Variants in UTRN observed in about 807,000 individuals in gnomAD.
UTRN encodes dystrophin-related protein 1.
A neutral mutation model predicts 463.9 loss-of-function variants in UTRN; 283 were observed. The ratio of observed to expected loss-of-function variants is 0.61; its 90% confidence interval spans 0.55 to 0.67. UTRN has a LOEUF of 0.67. Among genes scored for constraint, UTRN ranks in the 30% least tolerant of loss-of-function variants. The pLI, the probability that UTRN is intolerant of heterozygous loss-of-function variation, is 0.00. For synonymous variants in UTRN, 1,442 were observed against 1,431.5 expected, an observed-to-expected ratio of 1.01 and a Z score of -0.17; for missense variants, 3,922 against 4,084.3, an observed-to-expected ratio of 0.96 and a Z score of 1.08.
At chr6:144,617,552 G>A (rs533366989) in intron 51 of UTRN, among the ~76,000 whole-genome samples, 1 of 152,136 alleles carries the variant, frequency 6.6e-6, no homozygotes, top group African/African-American at 2.4e-5. Context: ...ATTTATGTTT[G>A]CTTTGAACAT....
intron 52 of UTRN, among the ~76,000 whole-genome samples, chr6:144,691,097 G>T (rs2128692389): frequency 6.6e-6 from 1 of 152,250 alleles, no homozygotes; most frequent in Non-Finnish European, 1.5e-5. Context: ...TTATATGCTA[G>T]ATCTACAATA....
At chr6:144,342,700 G>A (rs1382789416) in intron 2 of UTRN, among the ~76,000 whole-genome samples, 1 of 152,192 alleles carries the variant, frequency 6.6e-6, no homozygotes, top group Non-Finnish European at 1.5e-5. Context: ...GTAGATTTTA[G>A]TGGTTGCCTT....
At chr6:144,607,586 C>T (rs1804995545) in intron 51 of UTRN, among the ~76,000 whole-genome samples, 1 of 152,176 alleles carries the variant, frequency 6.6e-6, no homozygotes, top group African/African-American at 2.4e-5. Flanking sequence ...GGCTATTTGT[C>T]TGATTTTTTG....
chr6:144,312,356 G>A (rs1001377501), intron 2 of UTRN, among the ~76,000 whole-genome samples: 1 of 151,650 alleles, frequency 6.6e-6, no homozygotes, highest in Non-Finnish European at 1.5e-5. Flanking sequence ...CCCAGGAGGC[G>A]GAGCTTGCAG....
chr6:144,304,803 A>G (rs115757464), intron 2 of UTRN, among the ~76,000 whole-genome samples: 1 of 152,126 alleles, frequency 6.6e-6, no homozygotes, highest in Non-Finnish European at 1.5e-5. Context: ...CTTTAAAATT[A>G]AAAAAATTTA....
intron 50 of UTRN, among the ~76,000 whole-genome samples, chr6:144,564,483 G>A (rs1444206572): frequency 1.3e-5 from 2 of 152,156 alleles, no homozygotes; most frequent in Non-Finnish European, 2.9e-5. Flanking sequence ...TGTAAGACAT[G>A]GGGTATTAGT....
At chr6:144,583,656 C>A in intron 51 of UTRN, 1 of 517,572 alleles carries the variant, frequency 1.9e-6, no homozygotes, top group South Asian at 3.4e-5. Flanking sequence ...TACTGTTTCT[C>A]AGGCTCTAAA....
At chr6:144,301,307 G>C (rs114998828) in intron 2 of UTRN, among the ~76,000 whole-genome samples, 1,601 of 152,124 alleles carry the variant, frequency 0.011, 34 homozygotes, top group African/African-American at 0.037. Context: ...ACTTGCATAC[G>C]CTTTTTCAAG....
intron 54 of UTRN, among the ~76,000 whole-genome samples, chr6:144,734,129 G>A (rs530881360): frequency 7.9e-5 from 12 of 152,132 alleles, no homozygotes; most frequent in African/African-American, 2.9e-4. Flanking sequence ...CCCCTCCCCT[G>A]GCCGCCATCA....
chr6:144,445,372 A>C (rs1787568877), intron 14 of UTRN, among the ~76,000 whole-genome samples: 1 of 137,822 alleles, frequency 7.3e-6, no homozygotes, highest in African/African-American at 2.7e-5. Flanking sequence ...AAAAAAAAGC[A>C]AATACTCTAT....
intron 23 of UTRN, among the ~76,000 whole-genome samples, chr6:144,468,316 G>T (rs1322328215): frequency 6.6e-6 from 1 of 152,136 alleles, no homozygotes; most frequent in South Asian, 2.1e-4. Flanking sequence ...CATCTGAAAT[G>T]CTTAGAAATC....
chr6:144,638,898 C>A (rs1263981579), intron 51 of UTRN, among the ~76,000 whole-genome samples: 3 of 151,890 alleles, frequency 2.0e-5, no homozygotes, highest in Non-Finnish European at 4.4e-5. Flanking sequence ...CATAACGAGA[C>A]CCCGATCTCT....
rs1336875091 is a variant in UTRN at position 144,754,710 on chromosome 6, A to G, written c.8356-10A>G. 3 of 1,612,022 alleles carry G rather than the reference A, an allele frequency of 1.9e-6. No homozygotes were observed. Among genetic ancestry groups the G allele is most frequent in the South Asian group, 1.1e-5 (1 of 90,528 alleles). On this transcript the variant is annotated splice_polypyrimidine_tract_variant and intron_variant, in intron 56 of 74. Transcript: ENST00000367545. Reference sequence around the variant, plus strand: ...ATTATTTCCTCTGACTTGCATGTGTATGTGTGCAGGTTTCTGTGGATGATC... The same window carrying G: ...ATTATTTCCTCTGACTTGCATGTGTGTGTGTGCAGGTTTCTGTGGATGATC...
chr6:144,461,126 G>A (rs1789362603), intron 21 of UTRN, 71 bp from the exon 22 acceptor site: 2 of 1,312,896 alleles, frequency 1.5e-6, no homozygotes, highest in East Asian at 5.1e-5. Context: ...AATTCATTTA[G>A]GATAATGGTC....
intron 52 of UTRN, among the ~76,000 whole-genome samples, chr6:144,687,857 A>G (rs1782923083): frequency 6.6e-6 from 1 of 152,136 alleles, no homozygotes; most frequent in African/African-American, 2.4e-5. Flanking sequence ...TGAGTCTCCT[A>G]GGACTGCTTT....
chr6:144,656,183 A>G (rs897859075), intron 51 of UTRN, among the ~76,000 whole-genome samples: 1 of 152,198 alleles, frequency 6.6e-6, no homozygotes, highest in African/African-American at 2.4e-5. Flanking sequence ...TGAACAATTT[A>G]TTTGCACATT....
chr6:144,448,637 T>C lies in UTRN; in HGVS notation c.1940T>C (p.Ile647Thr). ...GTAGCAAAGCTGGGGATGTCTCAGATTCCTCAGAAGGACCTTTTGGAGACT... is the reference window on the plus strand; with the variant it reads ...GTAGCAAAGCTGGGGATGTCTCAGACTCCTCAGAAGGACCTTTTGGAGACT... Reference protein sequence around the residue: ...QAVAKLGMSQIPQKDLLETVR... With the variant: ...QAVAKLGMSQTPQKDLLETVR... Residue 647 changes from isoleucine to threonine, a missense_variant, in exon 17 of 75, where the codon ATT becomes ACT. This residue lies in a region of UTRN where 2,349 missense variants were observed against 2,303.8 expected (regional missense o/e 1.02). Coordinates refer to ENST00000367545, the MANE Select transcript of UTRN (RefSeq NM_007124.3). The C allele has an allele frequency of 6.2e-7, 1 of 1,614,022 alleles. No homozygotes were observed. Among genetic ancestry groups the C allele is most frequent in the South Asian group, 1.1e-5 (1 of 91,064 alleles).
At chr6:144,650,674 G>A (rs1778721134) in intron 51 of UTRN, among the ~76,000 whole-genome samples, 1 of 152,180 alleles carries the variant, frequency 6.6e-6, no homozygotes, top group Non-Finnish European at 1.5e-5. Flanking sequence ...ACTTTAGGAG[G>A]CCAAGGCGGG....
At chr6:144,289,521 C>A (rs1302875279) in intron 1 of UTRN, among the ~76,000 whole-genome samples, 1 of 151,996 alleles carries the variant, frequency 6.6e-6, no homozygotes, top group Admixed American at 6.6e-5. Context: ...AAGGTCTCAC[C>A]ATGTTGCCTA....
Sources: gnomAD v4.1 joint callset for allele counts (sites outside exome capture counted in the v4.1 genomes callset) on GRCh38, gnomAD v4.1.1 for gene constraint, gnomAD v4.1.1 regional missense constraint, MANE v1.5 for transcripts, NCBI Gene and HGNC (gene_info 2026-07-23, HGNC 2026-07-21) for gene names.